The following ATM variants were observed in gnomAD, a reference collection of about 807,000 sequenced individuals.
The protein encoded by ATM is ATM serine/threonine kinase, also known as serine-protein kinase ATM.
A neutral mutation model predicts 387.0 loss-of-function variants in ATM; 308 were observed. The observed-to-expected ratio is 0.80, with a 90% CI of 0.73 to 0.87. ATM has a LOEUF of 0.87. Ranked by LOEUF, ATM falls within the 40% of genes least tolerant of loss-of-function variation. The pLI, the probability that ATM is intolerant of heterozygous loss-of-function variation, is 0.00. For synonymous variants in ATM, 1,156 were observed against 1,187.3 expected (o/e 0.97, Z 0.54); for missense variants, 3,312 against 3,560.9 (o/e 0.93, Z 1.78).
rs11518308 is a variant in ATM, at chr11:108,360,173, C to A, written c.8851-4909C>A. Among the ~76,000 whole-genome samples the A allele has an allele frequency of 5.9e-3, 892 of 149,930 alleles. 5 individuals are homozygous for A. The highest frequency in any genetic ancestry group is 0.01 in the East Asian group (53 of 5,066). On this transcript the variant is annotated intron_variant, in intron 61 of 62. Transcript: ENST00000675843. ...TCAGAGAATACTACAAACACCTCTA[C>A]GCAAATAAACTAGAAAATCTAGAAG... is the stretch of plus-strand genomic sequence containing the variant.
At chr11:108,234,188 A>G (rs1175425082) in intron 4 of ATM, among the ~76,000 whole-genome samples, 1 of 152,226 alleles carries the variant, frequency 6.6e-6, no homozygotes, top group African/African-American at 2.4e-5. Flanking sequence ...ATAACTGGAC[A>G]ATGCCTAAAA....
At chr11:108,317,616 TATATATA>T in intron 43 of ATM, 95 bp downstream of exon 43, 1 of 9,616 alleles carries the variant, frequency 1.0e-4, no homozygotes, top group Non-Finnish European at 2.6e-4. Flanking sequence ...GGAGTTGTTT[TATATATA>T]TATATATATA....
rs1591447362 is a variant in ATM at position 108,227,871 on chromosome 11, T to G, written c.168T>G (p.Asn56Lys). 2 of 1,612,528 alleles carry G rather than the reference T, an allele frequency of 1.2e-6. No individual in the cohort carries two copies. The highest frequency in any genetic ancestry group is 1.3e-5 in the African/African-American group (1 of 74,990). The change falls in exon 3 of 63, where the codon AAT becomes AAG. Residue 56 changes from asparagine to lysine, a missense_variant. This residue lies in a region of ATM where 1,791 missense variants were observed against 1,804.5 expected (regional missense o/e 0.99). Transcript: ENST00000675843. ...HSDSKQGKYL[N>K]WDAVFRFLQK... is the part of the protein sequence containing the mutation. The stretch of plus-strand genomic sequence containing the variant: ...ATTCCAAACAAGGAAAATATTTGAA[T>G]TGGGATGCTGTTTTTAGGTATTCTA...
intron 22 of ATM, among the ~76,000 whole-genome samples, chr11:108,276,109 G>T (rs902078729): frequency 6.6e-6 from 1 of 151,848 alleles, no homozygotes; most frequent in African/African-American, 2.4e-5. Flanking sequence ...TCATTAAGTT[G>T]ATCTTCAATC....
chr11:108,229,570 A>G lies in ATM; in HGVS notation c.331+247A>G, dbSNP rs1481679655. The G allele has an allele frequency of 7.2e-6, 3 of 419,554 alleles. No individual in the cohort carries two copies. The South Asian group carries it at 9.6e-5, about 13-fold the overall frequency. The allele number at this position is 419,554 out of a possible 1,614,324, so 26.0% of individuals were successfully genotyped here. ...AAGAAATCTGTAACTGGTTGTGATC[A>G]ATTCGTTGTAAACACCACTGCACTC... On this transcript the variant is annotated intron_variant, in intron 4 of 62. Coordinates refer to ENST00000675843, the MANE Select transcript of ATM (RefSeq NM_000051.4).
intron 24 of ATM, among the ~76,000 whole-genome samples, chr11:108,282,125 C>A (rs1370406245): frequency 1.3e-5 from 2 of 150,720 alleles, no homozygotes; most frequent in Non-Finnish European, 3.0e-5. Flanking sequence ...CCACACCTGG[C>A]TAATTTTTTT....
rs1409265866 is a variant in ATM, at chr11:108,347,283, T to C, written c.8589T>C (p.Gly2863=). The change falls in exon 59 of 63, where the codon GGT becomes GGC. Residue 2863 remains glycine, a synonymous_variant. Transcript: ENST00000675843. The part of the protein sequence containing the change: ...TRSVATSSIV[G]YILGLGDRHV... ...GTTTGTTTCTTTTTTCTCCAGTTGGTTACATACTTGGACTTGGTGATAGAC... is the reference window on the plus strand; with the variant it reads ...GTTTGTTTCTTTTTTCTCCAGTTGGCTACATACTTGGACTTGGTGATAGAC... The C allele has an allele frequency of 1.9e-6, 3 of 1,606,354 alleles. No homozygotes were observed. The highest frequency in any genetic ancestry group is 2.6e-6 in the Non-Finnish European group (3 of 1,173,254).
intron 53 of ATM, 92 bp downstream of exon 53, chr11:108,332,992 T>C (rs2136582716): frequency 6.8e-7 from 1 of 1,471,098 alleles, no homozygotes; most frequent in Non-Finnish European, 9.3e-7. Flanking sequence ...GTAAATCTGC[T>C]TAAAATCACA....
intron 17 of ATM, among the ~76,000 whole-genome samples, chr11:108,268,178 A>G (rs904524296): frequency 1.3e-5 from 2 of 152,088 alleles, no homozygotes; most frequent in East Asian, 1.9e-4. Flanking sequence ...CATTATTGCA[A>G]TGATCATTTG....
chr11:108,333,801 C>T, intron 53 of ATM, 85 bp from the exon 54 acceptor site: 1 of 1,054,718 alleles, frequency 9.5e-7, no homozygotes, highest in Non-Finnish European at 1.5e-6. Context: ...CAAGTTGGGG[C>T]CAGTGGTATC....
At chr11:108,328,277 C>G (rs1176551459) in intron 48 of ATM, among the ~76,000 whole-genome samples, 1 of 152,118 alleles carries the variant, frequency 6.6e-6, no homozygotes, top group Non-Finnish European at 1.5e-5. Context: ...GATGAAGTCT[C>G]TCTCTGTCGC....
intron 57 of ATM, 92 bp downstream of exon 57, chr11:108,343,463 CT>C: frequency 6.7e-7 from 1 of 1,482,682 alleles, no homozygotes; most frequent in South Asian, 1.2e-5. Flanking sequence ...TACAAAAAAA[CT>C]TTAATTTCAT....
rs950583601 is a variant in ATM at position 108,321,496 on chromosome 11, C to CTA, written c.6572+79_6572+80dup. 12 of 1,601,886 alleles carry CTA rather than the reference C, an allele frequency of 7.5e-6. No individual in the cohort carries two copies. In the African/African-American group the frequency reaches 1.6e-4, roughly 21 times the overall value. On this transcript the variant is annotated intron_variant, in intron 45 of 62. Coordinates refer to ENST00000675843, the MANE Select transcript of ATM (RefSeq NM_000051.4). ...CAATAGTGACTTTAAAAAATAAAAA[C>CTA]TATAGGCCGGGCACGGTGGCTCATG...
chr11:108,254,157 G>A (rs570606763), intron 13 of ATM, 118 bp downstream of exon 13: 200 of 936,868 alleles, frequency 2.1e-4, no homozygotes, highest in Middle Eastern at 2.8e-4. Flanking sequence ...CATTTTAAAA[G>A]CAAAGTGGCA....
In ATM at chr11:108,293,392, CT is replaced by C. The variant is rs1057517452; in HGVS notation, c.4695del (p.Pro1566LeufsTer35). 1 of 1,608,810 alleles carries C rather than the reference CT, an allele frequency of 6.2e-7. No homozygotes were observed. Among genetic ancestry groups the C allele is most frequent in the Non-Finnish European group, 8.5e-7 (1 of 1,175,644 alleles). On this transcript the variant is annotated frameshift_variant, in exon 31 of 63. Transcript: ENST00000675843. LOFTEE classifies it high-confidence loss of function. ...TATATCACGATTAAGCTTTTAGATC[CT>C]TTTCCTGACCATGTTGTTTTTAAGG... is the stretch of plus-strand genomic sequence containing the variant. The part of the protein sequence containing the change: ...NLYITIKLLD[P>X]FPDHVVFKDL...
intron 31 of ATM, among the ~76,000 whole-genome samples, chr11:108,294,480 C>T (rs2083007911): frequency 6.6e-6 from 1 of 152,192 alleles, no homozygotes; most frequent in African/African-American, 2.4e-5. Context: ...TGGCTCACGC[C>T]TGTAATCCCA....
intron 56 of ATM, among the ~76,000 whole-genome samples, chr11:108,337,793 T>A (rs1197472884): frequency 6.6e-6 from 1 of 152,246 alleles, no homozygotes; most frequent in African/African-American, 2.4e-5. Flanking sequence ...TACCAAACTT[T>A]TAGATGACAA....
rs864622610 is a variant in ATM, at chr11:108,333,884, A to G, written c.7928-2A>G. ...CTAAAATCTCTTCATTTTTAAATACAGAAGGCATAAATATTCCAGCAGACC... is the reference window on the plus strand; with the variant it reads ...CTAAAATCTCTTCATTTTTAAATACGGAAGGCATAAATATTCCAGCAGACC... On this transcript the variant is annotated splice_acceptor_variant, in intron 53 of 62. Transcript: ENST00000675843. LOFTEE classifies it high-confidence loss of function. 1.9e-6 allele frequency: 3 copies of G among 1,599,554 alleles called. No homozygotes were observed. The highest frequency in any genetic ancestry group is 1.7e-4 in the Middle Eastern group (1 of 6,034).
At position 108,325,295 on chromosome 11, in the gene ATM, T is replaced by C. The variant is rs2136305758; in HGVS notation, c.6573-15T>C. The C allele has an allele frequency of 7.4e-7, 1 of 1,347,810 alleles. No homozygotes were observed. Among genetic ancestry groups the C allele is most frequent in the Non-Finnish European group, 1.1e-6 (1 of 944,028 alleles). The allele number at this position is 1,347,810 out of a possible 1,614,324, so 83.5% of individuals were successfully genotyped here. A position where few individuals can be genotyped will look rare whatever the true frequency, so the allele number is the denominator to read the frequency against. On this transcript the variant is annotated splice_polypyrimidine_tract_variant and intron_variant, in intron 45 of 62. Transcript: ENST00000675843. ...ATTTCTCTTGCTTACATGAACTCTA[T>C]GTCGTGGCATTCAGATCAGTCACAC... is the stretch of plus-strand genomic sequence containing the variant.
Sources: allele counts gnomAD v4.1 joint callset (sites outside exome capture counted in the v4.1 genomes callset), GRCh38; gene constraint gnomAD v4.1.1; regional missense constraint gnomAD v4.1.1; transcripts MANE v1.5; gene names NCBI Gene and HGNC (gene_info 2026-07-23, HGNC 2026-07-21).